Variants in GPC6 observed in about 807,000 individuals in gnomAD.
The protein encoded by GPC6 is glypican-6.
Under a neutral mutation model 55.2 loss-of-function variants are expected in GPC6, and 14 were observed. That is an observed-to-expected ratio of 0.25 (90% confidence interval 0.17 to 0.40). The LOEUF is 0.40. Among genes scored for constraint, GPC6 ranks in the 10% least tolerant of loss-of-function variants. The pLI is 1.00. For missense variants in GPC6, 641 were observed against 708.5 expected (o/e 0.90, Z 1.08); for synonymous variants, 278 against 259.6 (o/e 1.07, Z -0.68).
chr13:93,243,966 A>T (rs976589142), intron 1 of GPC6, among the ~76,000 whole-genome samples: 3 of 150,842 alleles, frequency 2.0e-5, no homozygotes, highest in African/African-American at 7.3e-5. Context: ...GGGCCGTGGA[A>T]CTCCTAAAAG....
intron 1 of GPC6, among the ~76,000 whole-genome samples, chr13:93,407,712 C>T (rs1876346670): frequency 6.6e-6 from 1 of 152,060 alleles, no homozygotes; most frequent in African/African-American, 2.4e-5. Context: ...TATATTATGC[C>T]AGAAGCCTTG....
At chr13:93,946,571 C>T (rs537977238) in intron 3 of GPC6, among the ~76,000 whole-genome samples, 93 of 152,286 alleles carry the variant, frequency 6.1e-4, no homozygotes, top group Middle Eastern at 3.4e-3. Flanking sequence ...ACACAGTTTA[C>T]ATCCATAAAT....
At chr13:94,148,522 G>A (rs1193169951) in intron 4 of GPC6, among the ~76,000 whole-genome samples, 2 of 152,112 alleles carry the variant, frequency 1.3e-5, no homozygotes, top group Non-Finnish European at 2.9e-5. Context: ...ATATTATTTT[G>A]CAAGTCAAAG....
intron 4 of GPC6, among the ~76,000 whole-genome samples, chr13:94,217,787 G>A (rs1890266800): frequency 6.6e-6 from 1 of 152,206 alleles, no homozygotes; most frequent in Admixed American, 6.5e-5. Context: ...CACCAGTTCT[G>A]ATCTTAGCTC....
chr13:93,407,387 G>C (rs1160236271), intron 1 of GPC6, among the ~76,000 whole-genome samples: 1 of 151,868 alleles, frequency 6.6e-6, no homozygotes, highest in Non-Finnish European at 1.5e-5. Flanking sequence ...AGATTGCAAA[G>C]TTGGGTAAAA....
intron 3 of GPC6, among the ~76,000 whole-genome samples, chr13:93,866,302 C>T (rs943261333): frequency 2.6e-5 from 4 of 151,600 alleles, no homozygotes; most frequent in Admixed American, 6.6e-5. Flanking sequence ...AACACAAAAC[C>T]GATTCATGAA....
intron 3 of GPC6, among the ~76,000 whole-genome samples, chr13:93,881,396 A>T (rs1457052717): frequency 6.6e-6 from 1 of 152,136 alleles, no homozygotes; most frequent in African/African-American, 2.4e-5. Flanking sequence ...TATGCTATCT[A>T]GGCACATTGG....
Position 94,407,920 on chromosome 13 carries a change from T to C in GPC6, c.*4703T>C, listed in dbSNP as rs142575555. ...ATCACTGGCTGTGAAAAACCACCAG[T>C]TGAAAATTATTCATTCCTTAATGCA... On this transcript the variant is annotated 3_prime_UTR_variant, in exon 9 of 9. Coordinates refer to ENST00000377047, the MANE Select transcript of GPC6 (RefSeq NM_005708.5). Among the ~76,000 whole-genome samples, 5 of 152,268 alleles carry C rather than the reference T, an allele frequency of 3.3e-5. No homozygotes were observed. The East Asian group carries it at 5.8e-4, about 18-fold the overall frequency.
At chr13:93,260,677 C>A (rs1446408949) in intron 1 of GPC6, among the ~76,000 whole-genome samples, 1 of 152,020 alleles carries the variant, frequency 6.6e-6, no homozygotes, top group African/African-American at 2.4e-5. Context: ...GCAAGATTTA[C>A]AATTTATTTT....
chr13:93,238,568 C>A (rs1319935038), intron 1 of GPC6, among the ~76,000 whole-genome samples: 2 of 151,914 alleles, frequency 1.3e-5, no homozygotes, highest in Non-Finnish European at 2.9e-5. Context: ...CCTTTTATTT[C>A]TTTCTTTTGG....
chr13:94,264,254 T>G (rs1334787819), intron 4 of GPC6, among the ~76,000 whole-genome samples: 1 of 152,182 alleles, frequency 6.6e-6, no homozygotes, highest in Non-Finnish European at 1.5e-5. Context: ...TCTTAATGGG[T>G]TAAGAGTGAA....
chr13:94,359,915 C>T (rs1594204492), intron 6 of GPC6, among the ~76,000 whole-genome samples: 1 of 152,306 alleles, frequency 6.6e-6, no homozygotes, highest in Non-Finnish European at 1.5e-5. Context: ...TTTCAAGTCC[C>T]CATGGGTTCC....
chr13:93,307,711 G>A (rs1478327423), intron 1 of GPC6, among the ~76,000 whole-genome samples: 2 of 152,040 alleles, frequency 1.3e-5, no homozygotes, highest in African/African-American at 4.8e-5. Context: ...TGAGGTGTAT[G>A]ATAAACTTTT....
intron 2 of GPC6, among the ~76,000 whole-genome samples, chr13:93,594,152 AT>A (rs766999691): frequency 4.4e-4 from 65 of 147,422 alleles, no homozygotes; most frequent in African/African-American, 8.4e-4. Flanking sequence ...ACTTTATTTT[AT>A]TTTTTTTTTT....
At chr13:93,471,956 G>A (rs1292506052) in intron 1 of GPC6, among the ~76,000 whole-genome samples, 1 of 152,128 alleles carries the variant, frequency 6.6e-6, no homozygotes, top group Non-Finnish European at 1.5e-5. Context: ...TGTTCTATCT[G>A]TTACCAAGAG....
intron 2 of GPC6, among the ~76,000 whole-genome samples, chr13:93,761,693 A>T (rs1884960800): frequency 6.6e-6 from 1 of 152,136 alleles, no homozygotes; most frequent in Admixed American, 6.5e-5. Context: ...TATTGTTTGT[A>T]GAGACAGGGT....
At chr13:94,319,357 A>C (rs1876703233) in intron 6 of GPC6, among the ~76,000 whole-genome samples, 1 of 152,188 alleles carries the variant, frequency 6.6e-6, no homozygotes, top group Non-Finnish European at 1.5e-5. Flanking sequence ...AGAACACCTT[A>C]ATTCTGATAA....
At chr13:93,220,179 G>C in the GPC6 span, among the ~76,000 whole-genome samples, 1 of 152,162 alleles carries the variant, frequency 6.6e-6, no homozygotes, top group Non-Finnish European at 1.5e-5. Context: ...TTAATAAAGA[G>C]TAAATGTTCC....
chr13:93,605,840 A>G (rs1878215741), intron 2 of GPC6, among the ~76,000 whole-genome samples: 2 of 142,382 alleles, frequency 1.4e-5, no homozygotes, highest in Non-Finnish European at 3.0e-5. Flanking sequence ...AGACCGTCTC[A>G]ATAAAAAAAA....
Sources: allele counts gnomAD v4.1 joint callset (sites outside exome capture counted in the v4.1 genomes callset), GRCh38; gene constraint gnomAD v4.1.1; transcripts MANE v1.5; gene names NCBI Gene and HGNC (gene_info 2026-07-23, HGNC 2026-07-21).